Variants in RGS7 observed in about 807,000 individuals in gnomAD.
RGS7 encodes regulator of G protein signaling 7, also known as regulator of G-protein signaling 7.
RGS7 carries 27 observed loss-of-function variants against 81.1 expected under a neutral mutation model. That is an observed-to-expected ratio of 0.33 (90% CI 0.25 to 0.46). The LOEUF is 0.46. Among genes scored for constraint, RGS7 ranks in the 20% least tolerant of loss-of-function variants. The probability of loss-of-function intolerance (pLI) is 1.00; values close to 1 mark genes in which losing one functional copy is unlikely to be tolerated. For missense variants in RGS7, 396 were observed against 607.4 expected, an observed-to-expected ratio of 0.65 and a Z score of 3.66; for synonymous variants, 208 against 207.7, an observed-to-expected ratio of 1.00 and a Z score of -0.01.
chr1:240,901,588 G>C (rs963211991), intron 6 of RGS7, among the ~76,000 whole-genome samples: 1 of 152,150 alleles, frequency 6.6e-6, no homozygotes, highest in African/African-American at 2.4e-5. Flanking sequence ...GCATAGCACA[G>C]GCTTGGGGTT....
intron 3 of RGS7, among the ~76,000 whole-genome samples, chr1:241,037,435 T>C (rs528516704): frequency 2.0e-5 from 3 of 152,178 alleles, no homozygotes; most frequent in South Asian, 2.1e-4. Flanking sequence ...AATCAACAAA[T>C]GGAGGCCGGG....
intron 18 of RGS7, among the ~76,000 whole-genome samples, chr1:240,788,594 A>G (rs914054623): frequency 6.6e-6 from 1 of 152,252 alleles, no homozygotes; most frequent in African/African-American, 2.4e-5. Flanking sequence ...CTGTGTTATC[A>G]TGAGCACTCC....
chr1:241,070,075 AG>A (rs1287546262), intron 3 of RGS7, among the ~76,000 whole-genome samples: 1 of 152,244 alleles, frequency 6.6e-6, no homozygotes, highest in East Asian at 1.9e-4. Context: ...TCATCTAAGA[AG>A]GACAGCAGTC....
chr1:241,290,631 T>C (rs758025328), intron 2 of RGS7, among the ~76,000 whole-genome samples: 2 of 152,204 alleles, frequency 1.3e-5, no homozygotes, highest in Non-Finnish European at 2.9e-5. Flanking sequence ...CTGAACACTC[T>C]AGCATAAATT....
chr1:240,898,177 T>G (rs1669402033), intron 6 of RGS7, among the ~76,000 whole-genome samples: 1 of 152,228 alleles, frequency 6.6e-6, no homozygotes, highest in Non-Finnish European at 1.5e-5. Flanking sequence ...CTCTCTCTTC[T>G]TCTTGATTAG....
chr1:240,884,241 T>TATTA (rs1459836629), intron 6 of RGS7, among the ~76,000 whole-genome samples: 39 of 152,288 alleles, frequency 2.6e-4, no homozygotes, highest in African/African-American at 8.9e-4. Context: ...GTGAGCTCAG[T>TATTA]ATGAATTAAA....
intron 2 of RGS7, among the ~76,000 whole-genome samples, chr1:241,133,338 T>C (rs2067258541): frequency 6.6e-6 from 1 of 151,766 alleles, no homozygotes; most frequent in African/African-American, 2.4e-5. Flanking sequence ...AAAATAGTTC[T>C]TTGACCCATT....
intron 2 of RGS7, among the ~76,000 whole-genome samples, chr1:241,101,980 T>C (rs980136553): frequency 7.9e-5 from 12 of 152,190 alleles, no homozygotes; most frequent in African/African-American, 2.9e-4. Context: ...AATAGGAGGC[T>C]GGAAAGTAAA....
At chr1:240,945,716 C>T (rs993361740) in intron 4 of RGS7, among the ~76,000 whole-genome samples, 2 of 152,108 alleles carry the variant, frequency 1.3e-5, no homozygotes, top group African/African-American at 4.8e-5. Context: ...TTTGCAGAAA[C>T]AAATGCTTGA....
At chr1:240,922,350 T>C (rs1673703012) in intron 6 of RGS7, among the ~76,000 whole-genome samples, 1 of 151,958 alleles carries the variant, frequency 6.6e-6, no homozygotes, top group Admixed American at 6.6e-5. Context: ...AAAAGCACAA[T>C]CTATGAGAAA....
At chr1:240,887,952 T>G (rs1439996480) in intron 6 of RGS7, among the ~76,000 whole-genome samples, 1 of 152,218 alleles carries the variant, frequency 6.6e-6, no homozygotes, top group Admixed American at 6.5e-5. Flanking sequence ...GCTGGGCCAC[T>G]TGGGGATACA....
chr1:240,923,570 C>T lies in RGS7; in HGVS notation c.385+7147G>A, dbSNP rs867153787. 2.6e-5 allele frequency among the ~76,000 whole-genome samples: 4 copies of T among 152,082 alleles called. No homozygotes were observed. In the South Asian group the frequency reaches 8.3e-4, roughly 32 times the overall value. Reference sequence around the variant, plus strand: ...ACTAACACCTGGCTTCAAAAACAGACATGCAGGGATGGATTCATTAAAAGT... The same window carrying T: ...ACTAACACCTGGCTTCAAAAACAGATATGCAGGGATGGATTCATTAAAAGT... On this transcript the variant is annotated intron_variant, in intron 6 of 18. Transcript: ENST00000440928.
chr1:241,316,405 G>A (rs541455930), intron 2 of RGS7, among the ~76,000 whole-genome samples: 3 of 152,184 alleles, frequency 2.0e-5, no homozygotes, highest in Non-Finnish European at 2.9e-5. Context: ...TCATGCCTTG[G>A]TCTTTCCAGT....
chr1:240,843,190 T>A (rs1029018797), intron 9 of RGS7, among the ~76,000 whole-genome samples: 3 of 148,634 alleles, frequency 2.0e-5, no homozygotes, highest in Non-Finnish European at 1.5e-5. Context: ...AAAATAAAAA[T>A]AAAAAAAGAA....
chr1:240,806,081 C>CATCT, intron 15 of RGS7, 59 bp downstream of exon 15: 1 of 1,396,796 alleles, frequency 7.2e-7, no homozygotes, highest in Admixed American at 1.7e-5. Context: ...AAAATGAATA[C>CATCT]ATCTAACGCT....
chr1:241,004,845 G>A (rs375475825), intron 3 of RGS7, among the ~76,000 whole-genome samples: 1 of 152,156 alleles, frequency 6.6e-6, no homozygotes, highest in Non-Finnish European at 1.5e-5. Context: ...TTTTACGGCT[G>A]GCTTTGAGGA....
At chr1:240,920,209 C>A in intron 6 of RGS7, 1 of 1,131,938 alleles carries the variant, frequency 8.8e-7, no homozygotes, top group Non-Finnish European at 1.3e-6. Context: ...CAAGAGATAG[C>A]TAGTGCTTCA....
At chr1:240,831,745 C>A (rs752859372) in intron 9 of RGS7, among the ~76,000 whole-genome samples, 1 of 151,690 alleles carries the variant, frequency 6.6e-6, no homozygotes, top group South Asian at 2.1e-4. Context: ...AAGTGATTCT[C>A]CTGTCTCAGC....
At chr1:241,351,660 C>A (rs569467441) in intron 2 of RGS7, among the ~76,000 whole-genome samples, 1 of 151,836 alleles carries the variant, frequency 6.6e-6, no homozygotes, top group Non-Finnish European at 1.5e-5. Context: ...TAAAAACAAA[C>A]GAATGCAAAG....
Sources: allele counts gnomAD v4.1 joint callset (sites outside exome capture counted in the v4.1 genomes callset), GRCh38; gene constraint gnomAD v4.1.1; transcripts MANE v1.5; gene names NCBI Gene and HGNC (gene_info 2026-07-23, HGNC 2026-07-21).